Variants in TNFRSF13B observed in about 807,000 individuals in gnomAD.
TNFRSF13B encodes TNF receptor superfamily member 13B.
TNFRSF13B carries 34 observed loss-of-function variants against 24.0 expected under a neutral mutation model. The ratio of observed to expected loss-of-function variants is 1.41; its 90% confidence interval spans 1.08 to 1.88. TNFRSF13B has a LOEUF of 1.88. TNFRSF13B is among the 40% of genes most tolerant of loss of function. The probability of loss-of-function intolerance (pLI) is 0.00; values close to 1 mark genes in which losing one functional copy is unlikely to be tolerated. For missense variants in TNFRSF13B, 415 were observed against 380.8 expected, an observed-to-expected ratio of 1.09 and a Z score of -0.75; for synonymous variants, 173 against 150.3, an observed-to-expected ratio of 1.15 and a Z score of -1.10.
chr17:16,967,402 G>A (rs1374047178), intron 1 of TNFRSF13B, among the ~76,000 whole-genome samples: 4 of 152,012 alleles, frequency 2.6e-5, no homozygotes, highest in South Asian at 2.1e-4. Flanking sequence ...TTTGAAAAAA[G>A]GGGGAAATTC....
chr17:16,971,866 T>C, intron 1 of TNFRSF13B, 149 bp downstream of exon 1: 1 of 779,508 alleles, frequency 1.3e-6, no homozygotes, highest in Non-Finnish European at 2.2e-6. Flanking sequence ...GCTCTCCATG[T>C]GCAGGAGCTT....
At chr17:16,940,890 A>C in intron 3 of TNFRSF13B, 1 of 1,137,514 alleles carries the variant, frequency 8.8e-7, no homozygotes, top group Non-Finnish European at 1.1e-6. Flanking sequence ...TCCAAGGAGA[A>C]AGCTTCCTGA....
chr17:16,951,502 T>C (rs2087588288), intron 2 of TNFRSF13B, among the ~76,000 whole-genome samples: 1 of 152,274 alleles, frequency 6.6e-6, no homozygotes, highest in Non-Finnish European at 1.5e-5. Flanking sequence ...AAATTATTGC[T>C]GGCAGTGATA....
intron 1 of TNFRSF13B, among the ~76,000 whole-genome samples, chr17:16,966,221 T>G (rs556260368): frequency 6.7e-6 from 1 of 149,282 alleles, no homozygotes; most frequent in East Asian, 2.0e-4. Context: ...ACCACTGCAC[T>G]CCAGCCTACG....
intron 1 of TNFRSF13B, among the ~76,000 whole-genome samples, chr17:16,958,436 A>T (rs1048493292): frequency 6.6e-6 from 1 of 151,996 alleles, no homozygotes; most frequent in African/African-American, 2.4e-5. Flanking sequence ...GGCAGATTGG[A>T]TTTAAAAACC....
intron 1 of TNFRSF13B, among the ~76,000 whole-genome samples, chr17:16,964,575 A>G (rs1307307890): frequency 6.6e-6 from 1 of 152,084 alleles, no homozygotes; most frequent in Admixed American, 6.6e-5. Flanking sequence ...CCCTGACCTC[A>G]GGTGATCTGC....
chr17:16,939,632 G>A lies in TNFRSF13B; in HGVS notation c.797C>T (p.Thr266Ile), dbSNP rs752825527. Residue 266 changes from threonine to isoleucine, a missense_variant, in exon 5 of 5, where the codon ACA (threonine) becomes ATA (isoleucine). Coordinates refer to ENST00000261652, the MANE Select transcript of TNFRSF13B (RefSeq NM_012452.3). ...AGRWGCHTRT[T>I]VLQPCPHIPD... ...GATGTGTGGGCAAGGCTGCAGGACT[G>A]TGGTCCTGGTGTGGCACCCCCACCT... 2.3e-4 allele frequency: 375 copies of A among 1,612,992 alleles called. No homozygotes were observed. Among genetic ancestry groups the A allele is most frequent in the Non-Finnish European group, 3.0e-4 (358 of 1,179,316 alleles).
rs573273447 is a variant in TNFRSF13B, at chr17:16,939,514, C to T, written c.*33G>A. 4.4e-6 allele frequency: 7 copies of T among 1,604,460 alleles called. No homozygotes were observed. The South Asian group carries it at 5.6e-5, about 13-fold the overall frequency. On this transcript the variant is annotated 3_prime_UTR_variant, in exon 5 of 5. Coordinates refer to ENST00000261652, the MANE Select transcript of TNFRSF13B (RefSeq NM_012452.3). ...TTTCTCTCTCCCCTCCTCTCCATCT[C>T]TCTCCCTCCTCCTTTCCCTCCCTGA...
intron 3 of TNFRSF13B, among the ~76,000 whole-genome samples, chr17:16,948,500 G>A (rs1218621343): frequency 2.0e-5 from 3 of 152,222 alleles, no homozygotes; most frequent in Admixed American, 6.5e-5. Context: ...GCAGCCTCTA[G>A]TGCAAGGCTC....
chr17:16,941,207 G>A (rs1014659545), intron 3 of TNFRSF13B: 6 of 984,474 alleles, frequency 6.1e-6, no homozygotes, highest in East Asian at 1.1e-4. Flanking sequence ...TCCAGCTGCT[G>A]TTGGTTGAAT....
intron 1 of TNFRSF13B, among the ~76,000 whole-genome samples, chr17:16,965,929 CAT>C (rs1395765959): frequency 6.6e-6 from 1 of 152,130 alleles, no homozygotes; most frequent in African/African-American, 2.4e-5. Flanking sequence ...AGACGCATAA[CAT>C]AGAATCCACA....
chr17:16,940,210 G>A (rs962770345), intron 4 of TNFRSF13B, 116 bp downstream of exon 4: 7 of 1,602,380 alleles, frequency 4.4e-6, no homozygotes, highest in Non-Finnish European at 5.1e-6. Context: ...CAAGTAACAG[G>A]GATGAGCCCT....
At chr17:16,964,469 A>G (rs147010118) in intron 1 of TNFRSF13B, among the ~76,000 whole-genome samples, 1,843 of 151,036 alleles carry the variant, frequency 0.012, 43 homozygotes, top group African/African-American at 0.043. Context: ...CAGCCTCCCA[A>G]GTAGCTGGGA....
intron 1 of TNFRSF13B, among the ~76,000 whole-genome samples, chr17:16,960,324 C>G (rs4985726): frequency 0.11 from 16,920 of 152,146 alleles, 1,182 homozygotes; most frequent in East Asian, 0.4. Context: ...GCCCTAAGAT[C>G]AGAACAAGGC....
At chr17:16,970,512 G>C (rs1399148889) in intron 1 of TNFRSF13B, among the ~76,000 whole-genome samples, 1 of 152,234 alleles carries the variant, frequency 6.6e-6, no homozygotes, top group Admixed American at 6.5e-5. Context: ...TTTTTTAACC[G>C]CAGGGCTTCT....
In TNFRSF13B at chr17:16,939,588, TG is replaced by T. The variant is rs1567649420; in HGVS notation, c.840del (p.Ile281LeufsTer43). The part of the protein sequence containing the change: ...PCPHIPDSGL[G>X]IVCVPAQEGG... ...CCCTCCTGGGCAGGCACACACACAA[TG>T]CCAAGGCCACTGTCTGGGATGTGTG... On this transcript the variant is annotated frameshift_variant, in exon 5 of 5. Transcript: ENST00000261652. LOFTEE classifies it low-confidence loss of function (END_TRUNC). 3 of 1,613,208 alleles carry T rather than the reference TG, an allele frequency of 1.9e-6. No individual in the cohort carries two copies.
At chr17:16,964,834 G>A (rs967295146) in intron 1 of TNFRSF13B, among the ~76,000 whole-genome samples, 3 of 152,070 alleles carry the variant, frequency 2.0e-5, no homozygotes, top group Non-Finnish European at 4.4e-5. Context: ...TGAAGTGCCC[G>A]TGGTGGGGAA....
chr17:16,956,582 G>GT (rs138713741), intron 1 of TNFRSF13B, among the ~76,000 whole-genome samples: 7,595 of 152,220 alleles, frequency 0.05, 478 homozygotes, highest in African/African-American at 0.15. Context: ...GAAAGAAGTG[G>GT]TAAAAAAAGG....
At chr17:16,964,171 G>A (rs2087683150) in intron 1 of TNFRSF13B, among the ~76,000 whole-genome samples, 1 of 151,516 alleles carries the variant, frequency 6.6e-6, no homozygotes, top group Non-Finnish European at 1.5e-5. Flanking sequence ...GAGAAGGAAG[G>A]AGGAGGAGGA....
Sources: gnomAD v4.1 joint callset for allele counts (sites outside exome capture counted in the v4.1 genomes callset) on GRCh38, gnomAD v4.1.1 for gene constraint, MANE v1.5 for transcripts, NCBI Gene and HGNC (gene_info 2026-07-23, HGNC 2026-07-21) for gene names.